The following TMEM168 variants were observed in gnomAD, a reference collection of about 807,000 sequenced individuals.
TMEM168 encodes the protein transmembrane protein 168.
Under a neutral mutation model 53.2 loss-of-function variants are expected in TMEM168, and 40 were observed. That is an observed-to-expected ratio of 0.75 (90% CI 0.58 to 0.98). TMEM168 has a LOEUF of 0.98. TMEM168 is among the 50% of genes least tolerant of loss of function. The pLI is 0.00. For synonymous variants in TMEM168, 282 were observed against 293.0 expected (o/e 0.96, Z 0.38); for missense variants, 771 against 828.8 (o/e 0.93, Z 0.86).
In TMEM168 at chr7:112,764,190, T is replaced by C. The variant is rs1050391764; in HGVS notation, c.*3007A>G. 1.3e-5 allele frequency: 2 copies of C among 151,798 alleles called. No individual in the cohort carries two copies. Among genetic ancestry groups the C allele is most frequent in the African/African-American group, 2.4e-5 (1 of 41,420 alleles). 9.4% of individuals were successfully genotyped at this position (151,798 alleles called of 1,614,324 possible). A position where few individuals can be genotyped will look rare whatever the true frequency, so the allele number is the denominator to read the frequency against. Reference sequence around the variant, plus strand: ...AAGAAAATAAATTCATACTGTTTTTTTTATTCTATTGAAAAAAAAGATGAT... The same window carrying C: ...AAGAAAATAAATTCATACTGTTTTTCTTATTCTATTGAAAAAAAAGATGAT... On this transcript the variant is annotated 3_prime_UTR_variant, in exon 5 of 5. Coordinates refer to ENST00000312814, the MANE Select transcript of TMEM168 (RefSeq NM_022484.6).
chr7:112,775,218 G>A lies in TMEM168; in HGVS notation c.1229C>T (p.Thr410Ile). 1.2e-6 allele frequency: 2 copies of A among 1,613,558 alleles called. No individual in the cohort carries two copies. Among genetic ancestry groups the A allele is most frequent in the South Asian group, 1.1e-5 (1 of 91,004 alleles). Residue 410 changes from threonine (T) to isoleucine (I), a missense_variant, in exon 3 of 5, where the codon ACA becomes ATA. Thr to Ile is a moderately conservative substitution (Grantham distance 89, BLOSUM62 -1). Coordinates refer to ENST00000312814, the MANE Select transcript of TMEM168 (RefSeq NM_022484.6). ...FHELGNCLGG[T>I]SVGYAIVIPT... Reference sequence around the variant, plus strand: ...AATCACAATAGCATATCCAACAGATGTTCCTCCTAAACAGTTACCCAATTC... The same window carrying A: ...AATCACAATAGCATATCCAACAGATATTCCTCCTAAACAGTTACCCAATTC...
In TMEM168 at chr7:112,777,886, CTGTGTGTGTGTGTGTGTGTGTGTGTGTG is replaced by C. The variant is rs71155068; in HGVS notation, c.1129-2596_1129-2569del. Among the ~76,000 whole-genome samples, 322 of 126,138 alleles carry C rather than the reference CTGTGTGTGTGTGTGTGTGTGTGTGTGTG, an allele frequency of 2.6e-3. 4 individuals are homozygous for C. Among genetic ancestry groups the C allele is most frequent in the South Asian group, 8.5e-3 (30 of 3,536 alleles). 82.8% of individuals were successfully genotyped at this position (126,138 alleles called of 152,430 possible). A position where few individuals can be genotyped will look rare whatever the true frequency, so the allele number is the denominator to read the frequency against. ...GTTTTGCTGCTTCTTGCTCTTGGTGCTGTGTGTGTGTGTGTGTGTGTGTGTGTGTGTGTGTGTGTGTGTGTGTGTGTGT... is the reference window on the plus strand; with the variant it reads ...GTTTTGCTGCTTCTTGCTCTTGGTGCTGTGTGTGTGTGTGTGTGTGTGTGT... On this transcript the variant is annotated intron_variant, in intron 2 of 4. Coordinates refer to ENST00000312814, the MANE Select transcript of TMEM168 (RefSeq NM_022484.6).
chr7:112,786,024 A>G (rs1584453692), intron 1 of TMEM168, among the ~76,000 whole-genome samples: 1 of 152,154 alleles, frequency 6.6e-6, no homozygotes, highest in South Asian at 2.1e-4. Flanking sequence ...CCTGGCCAAC[A>G]TGACAAAACC....
intron 1 of TMEM168, 75 bp downstream of exon 1, chr7:112,790,085 G>C (rs990525342): frequency 1.3e-5 from 2 of 152,278 alleles, no homozygotes; most frequent in Non-Finnish European, 2.9e-5. Flanking sequence ...GGAGCTTGGG[G>C]TCCGGACCAC....
rs752958727 is a variant in TMEM168, at chr7:112,767,674, C to T, written c.1617G>A (p.Arg539=). The stretch of plus-strand genomic sequence containing the variant: ...TTTCGCTGTCTAATACGATAATAAG[C>T]CGGGAACAAAAGGAACCATTCTTTT... ...WREKNGSFCS[R]LIIVLDSENS... The change falls in exon 5 of 5, where the codon CGG becomes CGA. Residue 539 remains arginine, a synonymous_variant. Coordinates refer to ENST00000312814, the MANE Select transcript of TMEM168 (RefSeq NM_022484.6). 1.7e-5 allele frequency: 27 copies of T among 1,613,858 alleles called. No individual in the cohort carries two copies. The Middle Eastern group carries it at 8.2e-4, about 49-fold the overall frequency.
Position 112,764,813 on chromosome 7 carries a change from T to A in TMEM168, c.*2384A>T, listed in dbSNP as rs574595530. ...ATGCCTGGCTAAACATGTACTTTTT[T>A]TTTTTTTTGAGACAAAGAAAGAGTC... On this transcript the variant is annotated 3_prime_UTR_variant, in exon 5 of 5. Transcript: ENST00000312814. 6.8e-6 allele frequency: 1 copy of A among 147,376 alleles called. No homozygotes were observed. The highest frequency in any genetic ancestry group is 1.5e-5 in the Non-Finnish European group (1 of 67,028). 9.1% of individuals were successfully genotyped at this position (147,376 alleles called of 1,614,324 possible).
At chr7:112,775,665 C>G (rs752805785) in intron 2 of TMEM168, among the ~76,000 whole-genome samples, 1 of 148,496 alleles carries the variant, frequency 6.7e-6, no homozygotes, top group Non-Finnish European at 1.5e-5. Context: ...TGCCAGAAAA[C>G]AAATATCTTG....
At chr7:112,780,960 A>AC (rs1793214127) in intron 2 of TMEM168, among the ~76,000 whole-genome samples, 1 of 151,408 alleles carries the variant, frequency 6.6e-6, no homozygotes, top group African/African-American at 2.4e-5. Flanking sequence ...AAAAAAAAAA[A>AC]AAAAACGGGG....
intron 1 of TMEM168, among the ~76,000 whole-genome samples, chr7:112,788,299 G>A (rs1426500802): frequency 6.6e-6 from 1 of 151,920 alleles, no homozygotes; most frequent in Non-Finnish European, 1.5e-5. Flanking sequence ...CTACTTAAGT[G>A]CACACATATA....
At chr7:112,779,010 A>G (rs1793162167) in intron 2 of TMEM168, among the ~76,000 whole-genome samples, 1 of 152,034 alleles carries the variant, frequency 6.6e-6, no homozygotes, top group Non-Finnish European at 1.5e-5. Context: ...CACCTCAGCC[A>G]CCCAAGTAGC....
Position 112,783,974 on chromosome 7 carries a change from T to TGA in TMEM168, c.851_852insTC (p.Lys284AsnfsTer12). ...AATACCAGAGGTGAGTGTCTCTAAG[T>TGA]TTGAATGCGGAAAGAATAAAAAATG... On this transcript the variant is annotated frameshift_variant, in exon 2 of 5. Coordinates refer to ENST00000312814, the MANE Select transcript of TMEM168 (RefSeq NM_022484.6). LOFTEE classifies it high-confidence loss of function. 1 of 1,612,758 alleles carries TGA rather than the reference T, an allele frequency of 6.2e-7. No individual in the cohort carries two copies. The highest frequency in any genetic ancestry group is 8.5e-7 in the Non-Finnish European group (1 of 1,179,776).
chr7:112,789,942 A>G (rs1793500350), intron 1 of TMEM168, among the ~76,000 whole-genome samples: 1 of 152,208 alleles, frequency 6.6e-6, no homozygotes. Context: ...ACGCGACCAC[A>G]ACGTGGCGCC....
rs1792958816 is a variant in TMEM168 at position 112,772,674 on chromosome 7, T to C, written c.1546+107A>G. 11 of 1,323,010 alleles carry C rather than the reference T, an allele frequency of 8.3e-6. No individual in the cohort carries two copies. The South Asian group carries it at 1.4e-4, about 17-fold the overall frequency. 82.0% of individuals were successfully genotyped at this position (1,323,010 alleles called of 1,614,324 possible). A position where few individuals can be genotyped will look rare whatever the true frequency, so the allele number is the denominator to read the frequency against. ...AAACAAATTAGAGTCATATGCATAGTTCAGTAAACTAAGAATCCTGGAAAT... is the reference window on the plus strand; with the variant it reads ...AAACAAATTAGAGTCATATGCATAGCTCAGTAAACTAAGAATCCTGGAAAT... On this transcript the variant is annotated intron_variant, in intron 4 of 4. Coordinates refer to ENST00000312814, the MANE Select transcript of TMEM168 (RefSeq NM_022484.6).
chr7:112,768,541 A>AT (rs1014333466), intron 4 of TMEM168, among the ~76,000 whole-genome samples: 10 of 152,218 alleles, frequency 6.6e-5, no homozygotes, highest in East Asian at 1.9e-4. Context: ...GGATTAAAAA[A>AT]ATATATATAC....
rs1323476436 is a variant in TMEM168, at chr7:112,765,627, T to C, written c.*1570A>G. 2.0e-5 allele frequency: 3 copies of C among 152,338 alleles called. No homozygotes were observed. Among genetic ancestry groups the C allele is most frequent in the African/African-American group, 7.2e-5 (3 of 41,588 alleles). The allele number at this position is 152,338 out of a possible 1,614,324, so 9.4% of individuals were successfully genotyped here. On this transcript the variant is annotated 3_prime_UTR_variant, in exon 5 of 5. Coordinates refer to ENST00000312814, the MANE Select transcript of TMEM168 (RefSeq NM_022484.6). ...ACTAATATAAATCCTTAACCTATAA[T>C]GGAAACTTCCAAACATGAACTCTAA...
chr7:112,787,047 G>A (rs6466421), intron 1 of TMEM168, among the ~76,000 whole-genome samples: 56,936 of 151,960 alleles, frequency 0.37, 12,466 homozygotes, highest in African/African-American at 0.61. Flanking sequence ...GCCTCTTCTA[G>A]AACATCAGAC....
chr7:112,790,123 G>C (rs1793508074), intron 1 of TMEM168, 37 bp downstream of exon 1: 1 of 152,514 alleles, frequency 6.6e-6, no homozygotes, highest in African/African-American at 2.4e-5. Context: ...TCTATGCCTA[G>C]ATCTCGCCGC....
Position 112,767,294 on chromosome 7 carries a change from C to T in TMEM168, c.1997G>A (p.Cys666Tyr). ...WLCGLNLFWICKTCFRCLKRL... is the reference protein window; with the variant it reads ...WLCGLNLFWIYKTCFRCLKRL... Reference sequence around the variant, plus strand: ...TTTCAAGCACCTAAAACAAGTTTTGCAGATCCAAAAAAGGTTCAGACCGCA... The same window carrying T: ...TTTCAAGCACCTAAAACAAGTTTTGTAGATCCAAAAAAGGTTCAGACCGCA... The change falls in exon 5 of 5, where the codon TGC (cysteine) becomes TAC (tyrosine). Residue 666 changes from cysteine to tyrosine, a missense_variant. Physicochemically the swap from Cys to Tyr is radical, Grantham distance 194. Transcript: ENST00000312814. The T allele has an allele frequency of 6.2e-7, 1 of 1,614,146 alleles. No individual in the cohort carries two copies. The highest frequency in any genetic ancestry group is 1.7e-5 in the Admixed American group (1 of 60,014).
chr7:112,787,058 T>C (rs1388924101), intron 1 of TMEM168, among the ~76,000 whole-genome samples: 1 of 152,192 alleles, frequency 6.6e-6, no homozygotes, highest in Non-Finnish European at 1.5e-5. Flanking sequence ...AACATCAGAC[T>C]CTCTCCTCTC....
Sources: gnomAD v4.1 joint callset for allele counts (sites outside exome capture counted in the v4.1 genomes callset) on GRCh38, gnomAD v4.1.1 for gene constraint, MANE v1.5 for transcripts, NCBI Gene and HGNC (gene_info 2026-07-23, HGNC 2026-07-21) for gene names.